EIF3M: variants seen among roughly 807,000 people sequenced by gnomAD.
EIF3M encodes the protein B5 receptor.
EIF3M carries 25 observed loss-of-function variants against 49.7 expected under a neutral mutation model. The observed-to-expected ratio is 0.50, with a 90% CI of 0.37 to 0.70. The LOEUF (loss-of-function observed/expected upper bound fraction) is 0.70, where lower values mean the gene tolerates loss of function less well. EIF3M is among the 30% of genes least tolerant of loss of function. The pLI is 0.00. For missense variants in EIF3M, 350 were observed against 440.0 expected, an observed-to-expected ratio of 0.80 and a Z score of 1.83; for synonymous variants, 156 against 149.8, an observed-to-expected ratio of 1.04 and a Z score of -0.30.
intron 4 of EIF3M, 124 bp from the exon 5 acceptor site, chr11:32,589,423 G>A (rs1855058732): frequency 3.0e-6 from 3 of 988,654 alleles, no homozygotes; most frequent in Non-Finnish European, 4.5e-6. Context: ...TGATCCTCCT[G>A]CCTTGGCCTC....
rs751697287 is a variant in EIF3M at position 32,589,020 on chromosome 11, A to G, written c.323A>G (p.Asn108Ser). Reference protein sequence around the residue: ...RPSLRLQLLSNLFHGMDKNTP... With the variant: ...RPSLRLQLLSSLFHGMDKNTP... ...GTTTGTTAACCAACCAGGTTAAGCAACCTTTTCCACGGGATGGATAAGAAT... is the reference window on the plus strand; with the variant it reads ...GTTTGTTAACCAACCAGGTTAAGCAGCCTTTTCCACGGGATGGATAAGAAT... The change falls in exon 4 of 11, where the codon AAC (asparagine) becomes AGC (serine). Residue 108 changes from asparagine to serine, a missense_variant. Transcript: ENST00000531120. 22 of 1,613,684 alleles carry G rather than the reference A, an allele frequency of 1.4e-5. No homozygotes were observed. Among genetic ancestry groups the G allele is most frequent in the African/African-American group, 9.3e-5 (7 of 74,902 alleles).
At chr11:32,590,531 G>A (rs1180652558) in intron 5 of EIF3M, among the ~76,000 whole-genome samples, 1 of 152,144 alleles carries the variant, frequency 6.6e-6, no homozygotes, top group Non-Finnish European at 1.5e-5. Context: ...AAGTAAGGTT[G>A]TAGGCTAAGT....
intron 4 of EIF3M, among the ~76,000 whole-genome samples, 181 bp from the exon 5 acceptor site, chr11:32,589,366 G>A (rs900397024): frequency 3.9e-5 from 6 of 151,944 alleles, no homozygotes; most frequent in African/African-American, 1.2e-4. Flanking sequence ...AGTAGAGACG[G>A]GGTTTCTCTA....
chr11:32,592,452 C>T, intron 5 of EIF3M: 1 of 529,746 alleles, frequency 1.9e-6, no homozygotes, highest in African/African-American at 1.9e-5. Flanking sequence ...ACATCACCAA[C>T]AAAAATTTTC....
At chr11:32,593,790 C>A in intron 5 of EIF3M, 76 bp from the exon 6 acceptor site, 1 of 1,032,368 alleles carries the variant, frequency 9.7e-7, no homozygotes, top group Non-Finnish European at 1.3e-6. Context: ...CAGCACAGTA[C>A]CTGCCTCTTA....
At chr11:32,602,226 A>C (rs1482698364) in intron 10 of EIF3M, 53 bp from the exon 11 acceptor site, 1 of 1,587,928 alleles carries the variant, frequency 6.3e-7, no homozygotes, top group East Asian at 2.2e-5. Flanking sequence ...TTATAAAAGA[A>C]TACCAGAGGC....
intron 5 of EIF3M, chr11:32,592,159 C>T (rs1855112791): frequency 2.9e-6 from 1 of 348,546 alleles, no homozygotes; most frequent in Non-Finnish European, 5.5e-6. Flanking sequence ...AGTTTCTACC[C>T]ATGGCCAAAA....
chr11:32,600,596 T>C, intron 8 of EIF3M, 93 bp from the exon 9 acceptor site: 2 of 1,346,790 alleles, frequency 1.5e-6, no homozygotes, highest in Non-Finnish European at 1.9e-6. Flanking sequence ...ATTACAAAAG[T>C]AAAAATAATT....
intron 1 of EIF3M, 73 bp downstream of exon 1, chr11:32,584,002 G>A (rs936205023): frequency 1.3e-6 from 2 of 1,590,126 alleles, no homozygotes; most frequent in Non-Finnish European, 1.7e-6. Flanking sequence ...CCGCTGCCGA[G>A]CCTGGGCCGG....
chr11:32,593,924 T>C lies in EIF3M; in HGVS notation c.592T>C (p.Ser198Pro). Residue 198 changes from serine (S) to proline (P), a missense_variant, in exon 6 of 11, where the codon TCC becomes CCC. By Grantham distance (74) the Ser-to-Pro change is moderately conservative. Coordinates refer to ENST00000531120, the MANE Select transcript of EIF3M (RefSeq NM_006360.6). ...CGGAAGTTACACAGAGGACAATGCT[T>C]CCCAGGCTCGAGTTGATGCCCACAG... The part of the protein sequence containing the change: ...LLGSYTEDNA[S>P]QARVDAHRCI... 2 of 1,565,582 alleles carry C rather than the reference T, an allele frequency of 1.3e-6. No homozygotes were observed. The highest frequency in any genetic ancestry group is 8.7e-7 in the Non-Finnish European group (1 of 1,155,642).
chr11:32,585,180 A>G (rs1021781201), intron 1 of EIF3M, among the ~76,000 whole-genome samples: 1 of 152,246 alleles, frequency 6.6e-6, no homozygotes, highest in Non-Finnish European at 1.5e-5. Context: ...GAAAAGGTCA[A>G]GGATGGGGAG....
At chr11:32,591,007 G>A (rs545949198) in intron 5 of EIF3M, among the ~76,000 whole-genome samples, 4 of 152,084 alleles carry the variant, frequency 2.6e-5, no homozygotes, top group South Asian at 2.1e-4. Context: ...CCGCCGCCAC[G>A]CCCGGCTAAT....
chr11:32,594,024 G>T, intron 6 of EIF3M, 75 bp downstream of exon 6: 1 of 1,074,554 alleles, frequency 9.3e-7, no homozygotes, highest in South Asian at 2.6e-5. Flanking sequence ...TTAAGTAACT[G>T]AAATCATGTT....
chr11:32,604,031 C>G lies in EIF3M; in HGVS notation c.*1632C>G, dbSNP rs1197367080. On this transcript the variant is annotated 3_prime_UTR_variant, in exon 11 of 11. Transcript: ENST00000531120. ...GCAATGAGCCAAGATCATGCCATTG[C>G]ACTCCAGCCTGGACAACAGAGTGAG... The G allele has an allele frequency of 1.3e-5, 2 of 152,190 alleles. No homozygotes were observed. The highest frequency in any genetic ancestry group is 2.9e-5 in the Non-Finnish European group (2 of 68,036). 9.4% of individuals were successfully genotyped at this position (152,190 alleles called of 1,614,324 possible).
At chr11:32,594,064 A>G (rs1231972351) in intron 6 of EIF3M, 115 bp downstream of exon 6, 2 of 591,738 alleles carry the variant, frequency 3.4e-6, no homozygotes, top group Non-Finnish European at 5.4e-6. Context: ...GAGCCATTTG[A>G]TAGTGTGTAT....
Position 32,602,264 on chromosome 11 carries a change from T to C in EIF3M, c.1005-15T>C. 1.2e-6 allele frequency: 2 copies of C among 1,603,784 alleles called. No homozygotes were observed. The highest frequency in any genetic ancestry group is 8.5e-7 in the Non-Finnish European group (1 of 1,175,056). On this transcript the variant is annotated splice_polypyrimidine_tract_variant and intron_variant, in intron 10 of 10. Transcript: ENST00000531120. ...AAAGGTTGACTAACACTGTGTTTAATTTTTCAATTTTTAGTCATAGCACAC... is the reference window on the plus strand; with the variant it reads ...AAAGGTTGACTAACACTGTGTTTAACTTTTCAATTTTTAGTCATAGCACAC...
At chr11:32,587,795 C>T (rs186528813) in intron 2 of EIF3M, among the ~76,000 whole-genome samples, 30 of 152,180 alleles carry the variant, frequency 2.0e-4, no homozygotes, top group South Asian at 4.2e-4. Context: ...TTGTTGAGTT[C>T]GGAAATCTCT....
rs970646578 is a variant in EIF3M, at chr11:32,592,827, C to T, written c.534-1039C>T. The T allele has an allele frequency of 4.4e-5, 16 of 365,134 alleles. No homozygotes were observed. In the Admixed American group the frequency reaches 5.3e-4, roughly 12 times the overall value. The allele number at this position is 365,134 out of a possible 1,614,324, so 22.6% of individuals were successfully genotyped here. ...TTAGAGACAGGGTCTGACCATGTTG[C>T]CCACACTGGAGTACAGTGGGTATTT... On this transcript the variant is annotated intron_variant, in intron 5 of 10. Transcript: ENST00000531120.
rs1268117224 is a variant in EIF3M, at chr11:32,605,145, C to T, written c.*2746C>T. On this transcript the variant is annotated 3_prime_UTR_variant, in exon 11 of 11. Coordinates refer to ENST00000531120, the MANE Select transcript of EIF3M (RefSeq NM_006360.6). The stretch of plus-strand genomic sequence containing the variant: ...GGGATTACAGGCATGAGCCACCCTG[C>T]CCGACCTAGTAATACTTTTTTTTTT... The T allele has an allele frequency of 6.6e-6, 1 of 151,704 alleles. No individual in the cohort carries two copies. The highest frequency in any genetic ancestry group is 1.5e-5 in the Non-Finnish European group (1 of 68,028). 9.4% of individuals were successfully genotyped at this position (151,704 alleles called of 1,614,324 possible). A position where few individuals can be genotyped will look rare whatever the true frequency, so the allele number is the denominator to read the frequency against.
Sources: gnomAD v4.1 joint callset for allele counts (sites outside exome capture counted in the v4.1 genomes callset) on GRCh38, gnomAD v4.1.1 for gene constraint, MANE v1.5 for transcripts, NCBI Gene and HGNC (gene_info 2026-07-23, HGNC 2026-07-21) for gene names.